The following NTF3 variants were observed in gnomAD, a reference collection of about 807,000 sequenced individuals.
NTF3 encodes the protein neurotrophin-3.
In NTF3, 8 loss-of-function variants were observed where a neutral mutation model predicts 26.3. The ratio of observed to expected loss-of-function variants is 0.30; its 90% CI spans 0.18 to 0.55. The LOEUF (loss-of-function observed/expected upper bound fraction) is 0.55, where lower values mean the gene tolerates loss of function less well. Ranked by LOEUF, NTF3 falls within the 20% of genes least tolerant of loss-of-function variation. The pLI is 0.93. For synonymous variants in NTF3, 154 were observed against 145.5 expected, an observed-to-expected ratio of 1.06 and a Z score of -0.42; for missense variants, 276 against 352.9, an observed-to-expected ratio of 0.78 and a Z score of 1.75.
At chr12:5,460,341 C>G (rs556833876) in intron 1 of NTF3, among the ~76,000 whole-genome samples, 5 of 152,286 alleles carry the variant, frequency 3.3e-5, no homozygotes, top group African/African-American at 7.2e-5. Flanking sequence ...CTCCACCTGC[C>G]CATCCCTCCT....
At chr12:5,430,529 T>C (rs1295776913), upstream of NTF3, among the ~76,000 whole-genome samples, 3 of 150,374 alleles carry the variant, frequency 2.0e-5, no homozygotes, top group Non-Finnish European at 3.0e-5. Context: ...GCAACCCCCA[T>C]CAGCCAGGAT....
At chr12:5,486,919 GTAGGCACACAAACCCATGCATGCACACA>G (rs1346972841) in intron 1 of NTF3, among the ~76,000 whole-genome samples, 1 of 139,308 alleles carries the variant, frequency 7.2e-6, no homozygotes, top group East Asian at 2.1e-4. Flanking sequence ...GTGTGTGTGT[GTAGGCACACAAACCCATGCATGCACACA>G]TGTATGCACA....
At chr12:5,472,718 G>T (rs182673452) in intron 1 of NTF3, among the ~76,000 whole-genome samples, 11 of 152,252 alleles carry the variant, frequency 7.2e-5, no homozygotes, top group Non-Finnish European at 1.3e-4. Context: ...TCTTCTCCCC[G>T]CTGGGCTCAG....
chr12:5,477,497 G>A (rs370846381), intron 1 of NTF3, among the ~76,000 whole-genome samples: 6 of 152,118 alleles, frequency 3.9e-5, no homozygotes, highest in South Asian at 2.1e-4. Flanking sequence ...TTGGATGTTC[G>A]CCCAGATCTC....
At chr12:5,481,483 G>GCACATACAAACAGAATAACACCACACA (rs879629746) in intron 1 of NTF3, among the ~76,000 whole-genome samples, 1,647 of 15,094 alleles carry the variant, frequency 0.11, 788 homozygotes, top group East Asian at 0.18. Context: ...ACACATACAT[G>GCACATACAAACAGAATAACACCACACA]CACACCACAG....
chr12:5,474,491 G>A (rs1424487731), intron 1 of NTF3, among the ~76,000 whole-genome samples: 3 of 152,172 alleles, frequency 2.0e-5, no homozygotes, highest in East Asian at 1.9e-4. Context: ...CAGGTCCCTC[G>A]CTGAGGCTGC....
intron 1 of NTF3, among the ~76,000 whole-genome samples, chr12:5,478,894 T>G (rs1464252494): frequency 1.3e-5 from 2 of 152,216 alleles, no homozygotes; most frequent in Non-Finnish European, 2.9e-5. Flanking sequence ...CTACACAATG[T>G]TGGATTCCAG....
chr12:5,469,344 G>A (rs765851291), intron 1 of NTF3, among the ~76,000 whole-genome samples: 2 of 152,144 alleles, frequency 1.3e-5, no homozygotes, highest in African/African-American at 2.4e-5. Context: ...GAAGGGGAGG[G>A]TTTGGAAGGG....
chr12:5,444,309 CAGAA>C (rs903951325), intron 1 of NTF3, among the ~76,000 whole-genome samples: 6 of 152,164 alleles, frequency 3.9e-5, no homozygotes, highest in Non-Finnish European at 5.9e-5. Context: ...CTGTTGTCCA[CAGAA>C]AGAGAGCGTG....
rs1940130587 is a variant in NTF3, at chr12:5,433,701, G to C, written c.18+1359G>C. Among the ~76,000 whole-genome samples, 1 of 152,090 alleles carries C rather than the reference G, an allele frequency of 6.6e-6. No homozygotes were observed. Among genetic ancestry groups the C allele is most frequent in the South Asian group, 2.1e-4 (1 of 4,808 alleles). ...TTGCCGGTGGGGGAAACACCGAAAA[G>C]ATCGTCTGGCCTCGGCCTCTGGCGG... On this transcript the variant is annotated intron_variant, in intron 1 of 1. Transcript: ENST00000423158. This position sits in a 1 kb window ranked among gnomAD's most constrained non-coding sequence, Gnocchi z 4.6.
chr12:5,493,017 G>A (rs1940958139), intron 1 of NTF3, among the ~76,000 whole-genome samples: 1 of 152,154 alleles, frequency 6.6e-6, no homozygotes, highest in African/African-American at 2.4e-5. Flanking sequence ...TACCCCCCTG[G>A]GAGCCAGTGA....
At chr12:5,487,942 C>A (rs553563569) in intron 1 of NTF3, among the ~76,000 whole-genome samples, 1 of 152,334 alleles carries the variant, frequency 6.6e-6, no homozygotes, top group Non-Finnish European at 1.5e-5. Context: ...GGGACCATCT[C>A]TGGCCTGCTT....
rs1940986704 is a variant in NTF3, at chr12:5,494,721, G to A, written c.546G>A (p.Arg182=). 1.9e-6 allele frequency: 3 copies of A among 1,614,036 alleles called. No homozygotes were observed. The highest frequency in any genetic ancestry group is 2.2e-5 in the South Asian group (2 of 91,084). The part of the protein sequence containing the change: ...VTDKSSAIDI[R]GHQVTVLGEI... The stretch of plus-strand genomic sequence containing the variant: ...ACAAGTCATCGGCCATCGACATTCG[G>A]GGACACCAGGTCACGGTGCTGGGGG... The change falls in exon 2 of 2, where the codon CGG becomes CGA. Residue 182 remains arginine (R), a synonymous_variant. Coordinates refer to ENST00000423158, the MANE Select transcript of NTF3 (RefSeq NM_001102654.2). The surrounding 1 kb of genome is among the most constrained non-coding windows in gnomAD (Gnocchi z 8.3).
chr12:5,489,067 C>T (rs1291820159), intron 1 of NTF3, among the ~76,000 whole-genome samples: 5 of 152,204 alleles, frequency 3.3e-5, no homozygotes, highest in Non-Finnish European at 7.3e-5. Flanking sequence ...AGATGGTGCA[C>T]TCCGTGTTCT....
intron 1 of NTF3, among the ~76,000 whole-genome samples, chr12:5,493,585 G>T (rs1029557010): frequency 1.3e-5 from 2 of 152,134 alleles, no homozygotes; most frequent in African/African-American, 4.8e-5. Flanking sequence ...CTCTCGCGGA[G>T]TGGGTAGTGG....
chr12:5,445,276 T>TG (rs55889670), intron 1 of NTF3, among the ~76,000 whole-genome samples: 124,634 of 150,908 alleles, frequency 0.83, 51,471 homozygotes, highest in East Asian at 0.94. Flanking sequence ...AGATGATTCC[T>TG]TGGATTAAAT....
At chr12:5,434,583 G>C (rs529334032) in intron 1 of NTF3, among the ~76,000 whole-genome samples, 1 of 151,444 alleles carries the variant, frequency 6.6e-6, no homozygotes, top group African/African-American at 2.4e-5. Context: ...GGAGTCTGTC[G>C]GATGGGCATC....
At chr12:5,431,681 T>G (rs1359017777), upstream of NTF3, among the ~76,000 whole-genome samples, 133 of 152,212 alleles carry the variant, frequency 8.7e-4, no homozygotes, top group African/African-American at 3.1e-3. Context: ...AAGGCCCTGA[T>G]GCCTTGTAAA....
chr12:5,447,742 C>G (rs897613456), intron 1 of NTF3, among the ~76,000 whole-genome samples: 1 of 152,214 alleles, frequency 6.6e-6, no homozygotes, highest in Non-Finnish European at 1.5e-5. Context: ...GGGAAGACGG[C>G]TCTTCTCCAA....
Sources: gnomAD v4.1 joint callset for allele counts (sites outside exome capture counted in the v4.1 genomes callset) on GRCh38, gnomAD v4.1.1 for gene constraint, Gnocchi (gnomAD v3.1) non-coding constraint, MANE v1.5 for transcripts, NCBI Gene and HGNC (gene_info 2026-07-23, HGNC 2026-07-21) for gene names.